Variants in ARFGEF3 observed in about 807,000 individuals in gnomAD.
ARFGEF3 encodes the protein ARFGEF family member 3, also known as brefeldin A-inhibited guanine nucleotide-exchange protein 3.
Under a neutral mutation model 221.7 loss-of-function variants are expected in ARFGEF3, and 96 were observed. That is an observed-to-expected ratio of 0.43 (90% CI 0.37 to 0.51). The LOEUF (loss-of-function observed/expected upper bound fraction) is 0.51, where lower values mean the gene tolerates loss of function less well. Among genes scored for constraint, ARFGEF3 ranks in the 20% least tolerant of loss-of-function variants. The pLI is 0.00. For synonymous variants in ARFGEF3, 1,145 were observed against 1,126.8 expected (o/e 1.02, Z -0.32); for missense variants, 2,410 against 2,789.9 (o/e 0.86, Z 3.07).
intron 5 of ARFGEF3, among the ~76,000 whole-genome samples, chr6:138,234,275 A>T (rs1422373652): frequency 2.0e-5 from 3 of 152,192 alleles, no homozygotes; most frequent in African/African-American, 7.2e-5. Flanking sequence ...AAGCCATTTT[A>T]ATATGCCAAC....
intron 20 of ARFGEF3, 75 bp from the exon 21 acceptor site, chr6:138,296,733 CCT>C: frequency 6.5e-7 from 1 of 1,533,696 alleles, no homozygotes; most frequent in Non-Finnish European, 8.8e-7. Flanking sequence ...AGATTTTCAA[CCT>C]CTCTCTTTGC....
At position 138,298,786 on chromosome 6, in the gene ARFGEF3, G is replaced by C. The variant is rs1422291628; in HGVS notation, c.3828+1G>C. The C allele has an allele frequency of 6.2e-7, 1 of 1,610,436 alleles. No individual in the cohort carries two copies. The highest frequency in any genetic ancestry group is 1.3e-5 in the African/African-American group (1 of 74,902). On this transcript the variant is annotated splice_donor_variant, in intron 22 of 33. Transcript: ENST00000251691. LOFTEE classifies it high-confidence loss of function. ...GTGTGATGAGGACGTCCAAGACCAG[G>C]TCAGTGTGACATGGTCATCAGCGTC...
At chr6:138,219,793 C>CGTGTGTGT (rs141714713) in intron 4 of ARFGEF3, among the ~76,000 whole-genome samples, 3 of 149,096 alleles carry the variant, frequency 2.0e-5, no homozygotes, top group African/African-American at 7.4e-5. Context: ...CATAGATGTG[C>CGTGTGTGT]GTGTGTGTGT....
At position 138,232,366 on chromosome 6, in the gene ARFGEF3, G is replaced by A. The variant is rs143887351; in HGVS notation, c.420+2514G>A. Among the ~76,000 whole-genome samples, 564 of 152,278 alleles carry A rather than the reference G, an allele frequency of 3.7e-3. 5 individuals carry two copies. Among genetic ancestry groups the A allele is most frequent in the Non-Finnish European group, 6.0e-3 (409 of 68,014 alleles). On this transcript the variant is annotated intron_variant, in intron 5 of 33. Transcript: ENST00000251691. ...TACTAAAAATACAAATTAGCCAGGC[G>A]TGGTGGTGCATGCCTGTAATCCCAG...
Position 138,334,074 on chromosome 6 carries a change from G to T in ARFGEF3, c.5228G>T (p.Gly1743Val), listed in dbSNP as rs1246940611. 4 of 1,613,840 alleles carry T rather than the reference G, an allele frequency of 2.5e-6. No homozygotes were observed. The highest frequency in any genetic ancestry group is 3.4e-6 in the Non-Finnish European group (4 of 1,179,900). The change falls in exon 33 of 34, where the codon GGA (glycine) becomes GTA (valine). Residue 1743 changes from glycine to valine, a missense_variant. Gly to Val is a moderately radical substitution (Grantham distance 109). Coordinates refer to ENST00000251691, the MANE Select transcript of ARFGEF3 (RefSeq NM_020340.5). The surrounding 1 kb of genome is among the most constrained non-coding windows in gnomAD (Gnocchi z 5.1). ...GAGTTTGTCAAAGGCCCCTCTCCTG[G>T]AGAGGAAAAGACGATACAAGTGCCA... ...LEEFVKGPSPGEEKTIQVPEA... is the reference protein window; with the variant it reads ...LEEFVKGPSPVEEKTIQVPEA...
At chr6:138,173,702 C>T (rs1776884349) in intron 2 of ARFGEF3, among the ~76,000 whole-genome samples, 1 of 152,120 alleles carries the variant, frequency 6.6e-6, no homozygotes, top group Admixed American at 6.6e-5. Flanking sequence ...TCCTTTTACT[C>T]ATTTGGCTTT....
intron 12 of ARFGEF3, among the ~76,000 whole-genome samples, chr6:138,265,284 A>C (rs1243277276): frequency 1.3e-5 from 2 of 152,178 alleles, no homozygotes; most frequent in East Asian, 3.9e-4. Context: ...AGAAATTTTC[A>C]CATGACCTAG....
At chr6:138,328,946 AC>A (rs1425317660) in intron 32 of ARFGEF3, among the ~76,000 whole-genome samples, 1 of 152,154 alleles carries the variant, frequency 6.6e-6, no homozygotes, top group Non-Finnish European at 1.5e-5. Flanking sequence ...GTAGGGGGCC[AC>A]GATTATGCCA....
chr6:138,323,619 C>CAA (rs1323563324), intron 29 of ARFGEF3, 52 bp from the exon 30 acceptor site: 1 of 1,557,622 alleles, frequency 6.4e-7, no homozygotes, highest in African/African-American at 1.4e-5. Context: ...CTGAAAAAAA[C>CAA]AAACAACAAC....
chr6:138,282,845 T>A (rs1363454129), intron 14 of ARFGEF3, among the ~76,000 whole-genome samples: 3 of 152,112 alleles, frequency 2.0e-5, no homozygotes, highest in Admixed American at 2.0e-4. Context: ...GGTCAGGAGT[T>A]CAAGACCAGC....
At position 138,262,935 on chromosome 6, in the gene ARFGEF3, A is replaced by C. The variant is rs1420554180; in HGVS notation, c.1452A>C (p.Arg484=). ...INEADFRWQR[R]VLSSEHTPWE... Reference sequence around the variant, plus strand: ...AGGCTGACTTCCGCTGGCAGCGGCGAGTGCTGTCCTCAGAACACACGCCGT... The same window carrying C: ...AGGCTGACTTCCGCTGGCAGCGGCGCGTGCTGTCCTCAGAACACACGCCGT... Residue 484 remains arginine, a synonymous_variant, in exon 12 of 34, where the codon CGA becomes CGC. Transcript: ENST00000251691. 6.2e-7 allele frequency: 1 copy of C among 1,605,054 alleles called. No individual in the cohort carries two copies. Among genetic ancestry groups the C allele is most frequent in the Non-Finnish European group, 8.5e-7 (1 of 1,175,694 alleles).
chr6:138,227,047 T>G (rs1472303096), intron 4 of ARFGEF3, among the ~76,000 whole-genome samples: 6 of 152,080 alleles, frequency 3.9e-5, no homozygotes, highest in Middle Eastern at 3.2e-3. Flanking sequence ...GATTTTGTTT[T>G]TTTTTTTTCC....
intron 6 of ARFGEF3, among the ~76,000 whole-genome samples, chr6:138,241,887 A>G (rs975739616): frequency 1.1e-4 from 16 of 152,220 alleles, no homozygotes; most frequent in African/African-American, 3.6e-4. Context: ...AACCTAAGCT[A>G]TTGTTAAGTT....
chr6:138,215,923 A>AG, intron 4 of ARFGEF3: 1 of 45,264 alleles, frequency 2.2e-5, no homozygotes, highest in Admixed American at 1.8e-4. Flanking sequence ...TGTTGGGGAA[A>AG]GGGAAAGAGT....
At chr6:138,304,360 A>G (rs1184004688) in intron 22 of ARFGEF3, among the ~76,000 whole-genome samples, 3 of 152,212 alleles carry the variant, frequency 2.0e-5, no homozygotes, top group Non-Finnish European at 1.5e-5. Context: ...GGAGTAGGCA[A>G]TGACTACAAA....
chr6:138,307,778 G>A (rs1479854061), intron 23 of ARFGEF3, among the ~76,000 whole-genome samples: 1 of 152,266 alleles, frequency 6.6e-6, no homozygotes, highest in East Asian at 1.9e-4. Flanking sequence ...GGAAATGGAT[G>A]GGTACCCATA....
intron 12 of ARFGEF3, among the ~76,000 whole-genome samples, chr6:138,274,297 C>T (rs1009496750): frequency 6.6e-6 from 1 of 152,112 alleles, no homozygotes; most frequent in African/African-American, 2.4e-5. Context: ...TAGTTAAACA[C>T]CCAATCCTGA....
intron 1 of ARFGEF3, among the ~76,000 whole-genome samples, chr6:138,164,580 C>T (rs1582989765): frequency 1.3e-5 from 2 of 152,106 alleles, no homozygotes; most frequent in East Asian, 1.9e-4. Context: ...TAGGCTCTTA[C>T]GGGCAGTGTA....
intron 8 of ARFGEF3, among the ~76,000 whole-genome samples, chr6:138,246,198 T>C (rs1399522394): frequency 6.6e-6 from 1 of 152,174 alleles, no homozygotes; most frequent in Non-Finnish European, 1.5e-5. Context: ...TATGCACCTG[T>C]AGTAAAGCCA....
Sources: gnomAD v4.1 joint callset for allele counts (sites outside exome capture counted in the v4.1 genomes callset) on GRCh38, gnomAD v4.1.1 for gene constraint, Gnocchi (gnomAD v3.1) non-coding constraint, MANE v1.5 for transcripts, NCBI Gene and HGNC (gene_info 2026-07-23, HGNC 2026-07-21) for gene names.